JAK3: variants seen among roughly 807,000 people sequenced by gnomAD.
JAK3 encodes the protein tyrosine-protein kinase JAK3.
JAK3 carries 88 observed loss-of-function variants against 120.8 expected under a neutral mutation model. That is an observed-to-expected ratio of 0.73 (90% CI 0.61 to 0.87). The LOEUF is 0.87. Ranked by LOEUF, JAK3 falls within the 40% of genes least tolerant of loss-of-function variation. The pLI is 0.00. For missense variants in JAK3, 1,254 were observed against 1,501.4 expected (o/e 0.84, Z 2.72); for synonymous variants, 592 against 628.6 (o/e 0.94, Z 0.87).
In JAK3 at chr19:17,835,101, CG is replaced by C; in HGVS notation, c.2028del (p.Ala677LeufsTer3). 6.2e-7 allele frequency: 1 copy of C among 1,614,192 alleles called. No individual in the cohort carries two copies. Among genetic ancestry groups the C allele is most frequent in the Non-Finnish European group, 8.5e-7 (1 of 1,180,030 alleles). On this transcript the variant is annotated frameshift_variant, in exon 15 of 24. Coordinates refer to ENST00000458235, the MANE Select transcript of JAK3 (RefSeq NM_000215.4). LOFTEE classifies it high-confidence loss of function. ...FIKLSDPGVS[P>X]AVLSLEMLTD... ...AACTTACTCTCCAGGCTTAACACAG[CG>C]GGGCTGACCCCAGGGTCACTCAGCT... is the stretch of plus-strand genomic sequence containing the variant.
intron 23 of JAK3, 134 bp downstream of exon 23, chr19:17,829,973 TG>T: frequency 1.4e-6 from 1 of 719,196 alleles, no homozygotes; most frequent in Non-Finnish European, 2.5e-6. Context: ...AGTAGCCAAG[TG>T]GGGGCCAGGA....
intron 9 of JAK3, 75 bp from the exon 10 acceptor site, chr19:17,839,738 CTTTT>C (rs71164315): frequency 5.1e-3 from 4,014 of 784,552 alleles, no homozygotes; most frequent in Middle Eastern, 6.4e-3. Flanking sequence ...CCTTTTTTTT[CTTTT>C]TTTTTTTTTT....
At chr19:17,840,652 A>G (rs1173624134) in intron 8 of JAK3, among the ~76,000 whole-genome samples, 1 of 151,602 alleles carries the variant, frequency 6.6e-6, no homozygotes, top group Non-Finnish European at 1.5e-5. Flanking sequence ...AGTCCCAGCT[A>G]CTCGGGAGGC....
chr19:17,839,681 C>T lies in JAK3; in HGVS notation c.1255-18G>A. 1 of 1,599,334 alleles carries T rather than the reference C, an allele frequency of 6.3e-7. No individual in the cohort carries two copies. Among genetic ancestry groups the T allele is most frequent in the Non-Finnish European group, 8.5e-7 (1 of 1,172,642 alleles). The stretch of plus-strand genomic sequence containing the variant: ...AGGGGGTTCTGCAAAGAAGAGTGGC[C>T]CCTGAGTGGGACTGAGCGACAGACA... On this transcript the variant is annotated intron_variant, in intron 9 of 23. Coordinates refer to ENST00000458235, the MANE Select transcript of JAK3 (RefSeq NM_000215.4).
At chr19:17,828,285 T>A (rs960792661) in intron 23 of JAK3, among the ~76,000 whole-genome samples, 17 of 151,850 alleles carry the variant, frequency 1.1e-4, no homozygotes, top group African/African-American at 1.5e-4. Context: ...AGACAGGGTG[T>A]CACTCTGTTG....
chr19:17,830,677 G>A, intron 21 of JAK3, 57 bp from the exon 22 acceptor site: 1 of 1,414,830 alleles, frequency 7.1e-7, no homozygotes, highest in Non-Finnish European at 1.0e-6. Flanking sequence ...GGAAGAGGGG[G>A]GCAGCCTTGG....
intron 14 of JAK3, among the ~76,000 whole-genome samples, chr19:17,835,591 G>T (rs1303044304): frequency 9.9e-5 from 15 of 152,164 alleles, no homozygotes; most frequent in Admixed American, 9.8e-4. Context: ...TATCTAGCCT[G>T]CAGGCCTTTG....
intron 12 of JAK3, among the ~76,000 whole-genome samples, chr19:17,837,660 C>T (rs2094227551): frequency 6.6e-6 from 1 of 152,134 alleles, no homozygotes; most frequent in Non-Finnish European, 1.5e-5. Context: ...GATGATCTGC[C>T]CGCCTCAGCC....
rs1404593493 is a variant in JAK3, at chr19:17,834,567, G to A, written c.2350+4C>T. The A allele has an allele frequency of 1.2e-6, 2 of 1,613,698 alleles. No individual in the cohort carries two copies. Among genetic ancestry groups the A allele is most frequent in the South Asian group, 1.1e-5 (1 of 91,064 alleles). ...CTCCCCACCCAACCCGTCCCAGCGG[G>A]CACCTGAAGAGATGAGGCTATTGAG... On this transcript the variant is annotated splice_donor_region_variant and intron_variant, in intron 17 of 23. Transcript: ENST00000458235.
intron 23 of JAK3, among the ~76,000 whole-genome samples, chr19:17,827,474 A>C (rs2094205987): frequency 6.6e-6 from 1 of 151,348 alleles, no homozygotes; most frequent in African/African-American, 2.4e-5. Flanking sequence ...CAGCCTCCCA[A>C]GTAGCTGGGA....
In JAK3 at chr19:17,830,229, G is replaced by T. The variant is rs972093795; in HGVS notation, c.3097-11C>A. 5 of 1,556,376 alleles carry T rather than the reference G, an allele frequency of 3.2e-6. No homozygotes were observed. The East Asian group carries it at 1.2e-4, about 37-fold the overall frequency. ...CATCCGCAGGAACTCCTGGAGCCAAGGAGGAGCGCATGTGGTGGGGGAGGA... is the reference window on the plus strand; with the variant it reads ...CATCCGCAGGAACTCCTGGAGCCAATGAGGAGCGCATGTGGTGGGGGAGGA... On this transcript the variant is annotated splice_polypyrimidine_tract_variant and intron_variant, in intron 22 of 23. Coordinates refer to ENST00000458235, the MANE Select transcript of JAK3 (RefSeq NM_000215.4).
chr19:17,834,626 G>C lies in JAK3; in HGVS notation c.2295C>G (p.Val765=), dbSNP rs1309760776. The change falls in exon 17 of 24, where the codon GTC becomes GTG. Residue 765 remains valine (V), a synonymous_variant. Coordinates refer to ENST00000458235, the MANE Select transcript of JAK3 (RefSeq NM_000215.4). ...TGACGGCTCGGAAGGAGGGCCTCTG[G>C]ACCGGCTCATAGGCCATGCACTGTT... The part of the protein sequence containing the change: ...LIQQCMAYEP[V]QRPSFRAVIR... 10 of 1,613,998 alleles carry C rather than the reference G, an allele frequency of 6.2e-6. No homozygotes were observed. Among genetic ancestry groups the C allele is most frequent in the Non-Finnish European group, 8.5e-6 (10 of 1,180,016 alleles).
At chr19:17,846,742 G>A (rs1036163615) in intron 1 of JAK3, among the ~76,000 whole-genome samples, 1 of 151,638 alleles carries the variant, frequency 6.6e-6, no homozygotes, top group Non-Finnish European at 1.5e-5. Context: ...GCACCACAGC[G>A]CCCAGCTAAT....
At chr19:17,844,052 C>T (rs2094246254) in intron 2 of JAK3, 152 bp from the exon 3 acceptor site, 4 of 1,196,316 alleles carry the variant, frequency 3.3e-6, no homozygotes, top group East Asian at 5.1e-5. Flanking sequence ...TCCGTCTGCA[C>T]AGGCCATTCC....
Position 17,836,010 on chromosome 19 carries a change from T to G in JAK3, c.1828A>C (p.Met610Leu). 6.2e-7 allele frequency: 1 copy of G among 1,614,068 alleles called. No individual in the cohort carries two copies. Among genetic ancestry groups the G allele is most frequent in the Non-Finnish European group, 8.5e-7 (1 of 1,180,028 alleles). ...AGGTGGCCACGTTTTCGCAGATACA[T>G]GTCTATGGCCCCCAGGTGTACAAAT... ...QEFVHLGAID[M>L]YLRKRGHLVP... is the part of the protein sequence containing the mutation. The change falls in exon 14 of 24, where the codon ATG (methionine) becomes CTG (leucine). Residue 610 changes from methionine to leucine, a missense_variant. Around this residue, in one of 3 missense-constraint regions of JAK3, gnomAD observed 630 missense variants for 819.8 expected, o/e 0.77. Coordinates refer to ENST00000458235, the MANE Select transcript of JAK3 (RefSeq NM_000215.4).
At position 17,836,057 on chromosome 19, in the gene JAK3, T is replaced by C; in HGVS notation, c.1787-6A>G. On this transcript the variant is annotated splice_polypyrimidine_tract_variant and splice_region_variant and intron_variant, in intron 13 of 23. Coordinates refer to ENST00000458235, the MANE Select transcript of JAK3 (RefSeq NM_000215.4). Reference sequence around the variant, plus strand: ...AAATTCCTGCACCATGGTGCCTGGTTGGCAGCAGGGAGAGGCGGGGTTGGG... The same window carrying C: ...AAATTCCTGCACCATGGTGCCTGGTCGGCAGCAGGGAGAGGCGGGGTTGGG... The C allele has an allele frequency of 6.2e-7, 1 of 1,612,576 alleles. No homozygotes were observed.
intron 17 of JAK3, 28 bp downstream of exon 17, chr19:17,834,543 T>TA: frequency 6.2e-7 from 1 of 1,602,934 alleles, no homozygotes; most frequent in Non-Finnish European, 8.5e-7. Flanking sequence ...ATCACAGCCC[T>TA]CCCCACCCAA....
At chr19:17,828,133 CG>C (rs1220078650) in intron 23 of JAK3, among the ~76,000 whole-genome samples, 4 of 152,128 alleles carry the variant, frequency 2.6e-5, no homozygotes, top group Non-Finnish European at 5.9e-5. Flanking sequence ...CTTCCAGCGT[CG>C]GCCCCGTAAG....
Position 17,842,870 on chromosome 19 carries a change from G to A in JAK3, c.566+157C>T. 1 of 1,041,908 alleles carries A rather than the reference G, an allele frequency of 9.6e-7. No homozygotes were observed. The allele number at this position is 1,041,908 out of a possible 1,614,324, so 64.5% of individuals were successfully genotyped here. On this transcript the variant is annotated intron_variant, in intron 5 of 23. Transcript: ENST00000458235. The surrounding 1 kb of genome is among the most constrained non-coding windows in gnomAD (Gnocchi z 6.4). ...CAGGTGTCTGTCCAGCTGGAGCCTG[G>A]GGGTGGAGAGGGCTGGGTTCGTGGG... is the stretch of plus-strand genomic sequence containing the variant.
Sources: allele counts gnomAD v4.1 joint callset (sites outside exome capture counted in the v4.1 genomes callset), GRCh38; gene constraint gnomAD v4.1.1; regional missense constraint gnomAD v4.1.1; non-coding constraint Gnocchi (gnomAD v3.1); transcripts MANE v1.5; gene names NCBI Gene and HGNC (gene_info 2026-07-23, HGNC 2026-07-21).